The following MGMT variants were observed in gnomAD, a reference collection of about 807,000 sequenced individuals.
MGMT encodes the protein O-6-methylguanine-DNA methyltransferase.
A neutral mutation model predicts 15.9 loss-of-function variants in MGMT; 14 were observed. The ratio of observed to expected loss-of-function variants is 0.88; its 90% confidence interval spans 0.58 to 1.37. The LOEUF (loss-of-function observed/expected upper bound fraction) is 1.37, where lower values mean the gene tolerates loss of function less well. Ranked by LOEUF, MGMT falls within the 40% of genes most tolerant of loss-of-function variation. MGMT has a pLI of 0.00. For missense variants in MGMT, 282 were observed against 268.1 expected (o/e 1.05, Z -0.36); for synonymous variants, 130 against 118.2 (o/e 1.10, Z -0.65).
At chr10:129,602,323 C>T (rs1325527916) in intron 2 of MGMT, among the ~76,000 whole-genome samples, 2 of 152,096 alleles carry the variant, frequency 1.3e-5, no homozygotes, top group Middle Eastern at 3.4e-3. Flanking sequence ...AATCTCCAAG[C>T]GAGGTTGGCA....
chr10:129,766,749 A>G, intron 4 of MGMT, 39 bp from the exon 5 acceptor site: 2 of 1,579,762 alleles, frequency 1.3e-6, no homozygotes, highest in Non-Finnish European at 1.7e-6. Flanking sequence ...CTCGTTGTCC[A>G]GATCCCTGAC....
At chr10:129,692,886 C>T (rs780277917) in intron 2 of MGMT, among the ~76,000 whole-genome samples, 3 of 152,234 alleles carry the variant, frequency 2.0e-5, no homozygotes, top group African/African-American at 4.8e-5. Flanking sequence ...CCCCAGACCT[C>T]GCGGTTGCTC....
intron 2 of MGMT, among the ~76,000 whole-genome samples, chr10:129,621,255 G>A (rs1488928013): frequency 6.6e-6 from 1 of 152,180 alleles, no homozygotes; most frequent in Non-Finnish European, 1.5e-5. Context: ...GACGTCACAT[G>A]CAATGCAAGA....
chr10:129,687,554 G>T (rs965565528), intron 2 of MGMT, among the ~76,000 whole-genome samples: 5 of 152,302 alleles, frequency 3.3e-5, no homozygotes, highest in Non-Finnish European at 4.4e-5. Context: ...GTGCAAATCT[G>T]TGGTAGCTCC....
intron 3 of MGMT, among the ~76,000 whole-genome samples, chr10:129,739,939 C>T (rs1185052960): frequency 6.6e-6 from 1 of 152,222 alleles, no homozygotes; most frequent in African/African-American, 2.4e-5. Flanking sequence ...CCTGTCCCCA[C>T]AGTGGACAGG....
chr10:129,562,856 A>T (rs1235439561), intron 2 of MGMT, among the ~76,000 whole-genome samples: 1 of 152,194 alleles, frequency 6.6e-6, no homozygotes, highest in African/African-American at 2.4e-5. Context: ...GTCCTCAGTT[A>T]TTTCGTCTTC....
chr10:129,514,493 A>G (rs1233469922), intron 1 of MGMT, among the ~76,000 whole-genome samples: 1 of 152,214 alleles, frequency 6.6e-6, no homozygotes, highest in Non-Finnish European at 1.5e-5. Context: ...TATATTAAAC[A>G]TTATATTTTC....
intron 1 of MGMT, among the ~76,000 whole-genome samples, chr10:129,525,673 TC>T: frequency 6.6e-6 from 1 of 152,294 alleles, no homozygotes; most frequent in African/African-American, 2.4e-5. Flanking sequence ...CACCTCCTGT[TC>T]CAGGACCCAG....
chr10:129,738,982 A>G (rs960765753), intron 3 of MGMT, among the ~76,000 whole-genome samples: 2 of 152,224 alleles, frequency 1.3e-5, no homozygotes, highest in African/African-American at 2.4e-5. Flanking sequence ...CATCCCTGGG[A>G]TCCAAGGCTG....
chr10:129,677,512 C>T (rs549998489), intron 2 of MGMT, among the ~76,000 whole-genome samples: 38 of 152,266 alleles, frequency 2.5e-4, no homozygotes, highest in African/African-American at 8.7e-4. Context: ...ATAGCAGGTG[C>T]CTGGGTAATG....
At chr10:129,678,172 G>T (rs1443146663) in intron 2 of MGMT, among the ~76,000 whole-genome samples, 4 of 152,170 alleles carry the variant, frequency 2.6e-5, no homozygotes, top group African/African-American at 9.7e-5. Flanking sequence ...CTGATTTCAA[G>T]CTGGAGAGAG....
intron 1 of MGMT, among the ~76,000 whole-genome samples, chr10:129,490,973 C>T (rs1845464010): frequency 6.6e-6 from 1 of 152,138 alleles, no homozygotes; most frequent in African/African-American, 2.4e-5. Context: ...AGTCATTTCC[C>T]TTTCTCCCAG....
intron 2 of MGMT, among the ~76,000 whole-genome samples, chr10:129,591,022 T>C (rs1045124837): frequency 1.3e-5 from 2 of 152,122 alleles, no homozygotes; most frequent in African/African-American, 4.8e-5. Context: ...AAGCGATGAG[T>C]TGGCCAAACG....
At chr10:129,682,259 T>A (rs1589933948) in intron 2 of MGMT, among the ~76,000 whole-genome samples, 1 of 151,982 alleles carries the variant, frequency 6.6e-6, no homozygotes, top group Non-Finnish European at 1.5e-5. Flanking sequence ...CTTCCAAAGA[T>A]GAAAGAAAAA....
rs546816101 is a variant in MGMT, at chr10:129,507,280, G to A, written c.-12-28961G>A. Among the ~76,000 whole-genome samples the A allele has an allele frequency of 1.1e-4, 17 of 152,378 alleles. No homozygotes were observed. In the East Asian group the frequency reaches 3.3e-3, roughly 29 times the overall value. On this transcript the variant is annotated intron_variant, in intron 1 of 4. Coordinates refer to ENST00000651593, the MANE Select transcript of MGMT (RefSeq NM_002412.5). ...CCCATGTCCTTGGGTTTGGCTTCCA[G>A]ACGGATGTGAATCTCCCCTCTGGAG...
intron 2 of MGMT, among the ~76,000 whole-genome samples, chr10:129,626,440 G>A (rs569004414): frequency 2.6e-5 from 4 of 152,264 alleles, no homozygotes; most frequent in South Asian, 4.2e-4. Flanking sequence ...TGTGAGTTTC[G>A]GGGGTGATTG....
At chr10:129,747,462 A>T (rs937476106) in intron 3 of MGMT, among the ~76,000 whole-genome samples, 1 of 152,206 alleles carries the variant, frequency 6.6e-6, no homozygotes, top group African/African-American at 2.4e-5. Context: ...TTTCTAGGAT[A>T]TTAATATGAT....
At chr10:129,508,502 T>G (rs1845647398) in intron 1 of MGMT, among the ~76,000 whole-genome samples, 1 of 151,252 alleles carries the variant, frequency 6.6e-6, no homozygotes, top group Non-Finnish European at 1.5e-5. Context: ...ATACAACAGA[T>G]TTAATTTTTC....
chr10:129,567,018 G>A (rs1417406114), intron 2 of MGMT, among the ~76,000 whole-genome samples: 3 of 152,142 alleles, frequency 2.0e-5, no homozygotes, highest in Non-Finnish European at 4.4e-5. Context: ...CGGAGTGTGC[G>A]TCTTGATGCC....
Sources: gnomAD v4.1 joint callset for allele counts (sites outside exome capture counted in the v4.1 genomes callset) on GRCh38, gnomAD v4.1.1 for gene constraint, MANE v1.5 for transcripts, NCBI Gene and HGNC (gene_info 2026-07-23, HGNC 2026-07-21) for gene names.